Variants in DMD observed in about 807,000 individuals in gnomAD.
The protein encoded by DMD is dystrophin, also known as mutant dystrophin.
A neutral mutation model predicts 330.1 loss-of-function variants in DMD; 63 were observed. That is an observed-to-expected ratio of 0.19 (90% CI 0.16 to 0.24). DMD has a LOEUF of 0.24. Ranked by LOEUF, DMD falls within the 10% of genes least tolerant of loss-of-function variation. DMD has a pLI of 1.00. For synonymous variants in DMD, 1,223 were observed against 959.8 expected (o/e 1.27, Z -5.07); for missense variants, 3,344 against 2,684.1 (o/e 1.25, Z -5.43).
intron 55 of DMD, among the ~76,000 whole-genome samples, chrX:31,558,012 A>G (rs1019274859): frequency 7.2e-5 from 8 of 111,735 alleles, no homozygotes; most frequent in African/African-American, 2.6e-4. Flanking sequence ...GGAATGAGAG[A>G]GGCATACTGT....
At chrX:32,249,176 C>T (rs1214143852) in intron 43 of DMD, among the ~76,000 whole-genome samples, 1 of 111,598 alleles carries the variant, frequency 9.0e-6, no homozygotes, top group East Asian at 2.8e-4. Context: ...TTTGGTTATG[C>T]ATTAAATAAT....
chrX:33,130,232 CAG>C (rs2095491054), intron 1 of DMD, among the ~76,000 whole-genome samples: 1 of 111,682 alleles, frequency 9.0e-6, no homozygotes, highest in Non-Finnish European at 1.9e-5. Flanking sequence ...AAGGATAACA[CAG>C]TACAAATACG....
At chrX:32,982,010 C>A (rs761983906) in intron 2 of DMD, among the ~76,000 whole-genome samples, 1 of 111,440 alleles carries the variant, frequency 9.0e-6, no homozygotes, top group African/African-American at 3.2e-5. Flanking sequence ...ATTTTTCTGT[C>A]GATCATTCTC....
chrX:32,588,076 A>T (rs940145523), intron 13 of DMD, among the ~76,000 whole-genome samples: 34 of 111,798 alleles, frequency 3.0e-4, no homozygotes, highest in African/African-American at 1.1e-3. Context: ...AAGTCAAAAA[A>T]ATCTTTCTTG....
intron 51 of DMD, among the ~76,000 whole-genome samples, chrX:31,735,519 C>T (rs912627522): frequency 2.7e-5 from 3 of 111,993 alleles, no homozygotes; most frequent in African/African-American, 9.7e-5. Flanking sequence ...TTCTTCATGC[C>T]TCCCATGGGC....
At chrX:31,324,172 T>C (rs756613712) in intron 61 of DMD, among the ~76,000 whole-genome samples, 1 of 111,790 alleles carries the variant, frequency 8.9e-6, no homozygotes, top group Non-Finnish European at 1.9e-5. Context: ...CAAATTCACT[T>C]ACCAAATAGA....
intron 59 of DMD, among the ~76,000 whole-genome samples, chrX:31,464,669 T>A (rs1040840728): frequency 2.7e-5 from 3 of 112,501 alleles, no homozygotes; most frequent in African/African-American, 9.7e-5. Context: ...GTCTTTGCAA[T>A]TGTTTTTGTT....
chrX:31,844,150 C>G (rs1310181073), intron 48 of DMD, among the ~76,000 whole-genome samples: 2 of 112,009 alleles, frequency 1.8e-5, no homozygotes, highest in African/African-American at 6.5e-5. Flanking sequence ...TGAGCCACCG[C>G]ACCTGGCTGA....
At chrX:32,724,663 G>T (rs1413647982) in intron 7 of DMD, among the ~76,000 whole-genome samples, 1 of 111,323 alleles carries the variant, frequency 9.0e-6, no homozygotes, top group African/African-American at 3.3e-5. Flanking sequence ...TCTTCATCCA[G>T]TCATTAAATA....
intron 76 of DMD, among the ~76,000 whole-genome samples, chrX:31,139,637 T>C (rs2035789081): frequency 1.9e-5 from 2 of 104,881 alleles, no homozygotes; most frequent in African/African-American, 7.1e-5. Flanking sequence ...TTCTCACTTA[T>C]AAGTGGGAGC....
At chrX:32,076,166 A>G (rs1395601774) in intron 44 of DMD, among the ~76,000 whole-genome samples, 1 of 105,955 alleles carries the variant, frequency 9.4e-6, no homozygotes, top group African/African-American at 3.4e-5. Flanking sequence ...GGAGACACAA[A>G]GGAATGCAAA....
intron 9 of DMD, among the ~76,000 whole-genome samples, chrX:32,683,697 G>A (rs1487959604): frequency 9.5e-6 from 1 of 105,004 alleles, no homozygotes. Context: ...AATGTTAAAT[G>A]ATGAGTTAAT....
At chrX:31,899,668 C>T (rs1314895792) in intron 47 of DMD, among the ~76,000 whole-genome samples, 1 of 110,545 alleles carries the variant, frequency 9.0e-6, no homozygotes, top group East Asian at 2.8e-4. Context: ...TTCCATACAG[C>T]GATTATTTAT....
intron 44 of DMD, among the ~76,000 whole-genome samples, chrX:32,199,183 AT>A (rs910101653): frequency 8.9e-6 from 1 of 111,898 alleles, no homozygotes; most frequent in African/African-American, 3.3e-5. Flanking sequence ...AATAACTTCC[AT>A]GGCCAAGATA....
At chrX:33,276,275 G>A (rs2053233363) in intron 1 of DMD, among the ~76,000 whole-genome samples, 1 of 111,371 alleles carries the variant, frequency 9.0e-6, no homozygotes, top group African/African-American at 3.3e-5. Context: ...TCAGGCCATG[G>A]TGAAACAGGA....
chrX:32,240,924 T>A (rs73619040), intron 43 of DMD, among the ~76,000 whole-genome samples: 20,122 of 110,474 alleles, frequency 0.18, 1,678 homozygotes, highest in African/African-American at 0.31. Context: ...TTCCAGCCCC[T>A]CTCGGGAATA....
In DMD at chrX:32,614,354, C is replaced by A. The variant is rs1003165905; in HGVS notation, c.1431G>T (p.Glu477Asp). Residue 477 changes from glutamate (E) to aspartate (D), a missense_variant, in exon 12 of 79, where the codon GAG becomes GAT. Coordinates refer to ENST00000357033, the MANE Select transcript of DMD (RefSeq NM_004006.3). ...GGTCTTCAAGATCAGGTCCAAGAGG[C>A]TCTTCCTCCATTTTCCTTGTTCTTT... Reference protein sequence around the residue: ...TEERTRKMEEEPLGPDLEDLK... With the variant: ...TEERTRKMEEDPLGPDLEDLK... 4.1e-6 allele frequency: 5 copies of A among 1,205,866 alleles called. No individual in the cohort carries two copies. In the African/African-American group the frequency reaches 7.1e-5, roughly 17 times the overall value.
At chrX:31,894,425 C>T (rs773252040) in intron 47 of DMD, among the ~76,000 whole-genome samples, 1 of 111,595 alleles carries the variant, frequency 9.0e-6, no homozygotes, top group African/African-American at 3.3e-5. Context: ...GATGATGTGG[C>T]AACATTTTAG....
chrX:32,651,606 A>C (rs1430815507), intron 9 of DMD, among the ~76,000 whole-genome samples: 2 of 111,781 alleles, frequency 1.8e-5, no homozygotes, highest in African/African-American at 6.5e-5. Flanking sequence ...ACAGACACTG[A>C]TATCACACTG....
Sources: gnomAD v4.1 joint callset for allele counts (sites outside exome capture counted in the v4.1 genomes callset) on GRCh38, gnomAD v4.1.1 for gene constraint, MANE v1.5 for transcripts, NCBI Gene and HGNC (gene_info 2026-07-23, HGNC 2026-07-21) for gene names.